Variants in IL6R observed in about 807,000 individuals in gnomAD.
IL6R encodes the protein interleukin-6 receptor subunit alpha.
IL6R carries 38 observed loss-of-function variants against 48.3 expected under a neutral mutation model. That is an observed-to-expected ratio of 0.79 (90% CI 0.61 to 1.03). IL6R has a LOEUF of 1.03. Ranked by LOEUF, IL6R falls within the 50% of genes least tolerant of loss-of-function variation. IL6R has a pLI of 0.00. For missense variants in IL6R, 534 were observed against 618.3 expected (o/e 0.86, Z 1.45); for synonymous variants, 264 against 256.2 (o/e 1.03, Z -0.29).
chr1:154,430,674 T>C (rs1689246200), intron 3 of IL6R, 68 bp downstream of exon 3: 1 of 1,584,712 alleles, frequency 6.3e-7, no homozygotes, highest in African/African-American at 1.3e-5. Flanking sequence ...AGAGAGGGGC[T>C]GGTTCAGGTG....
At chr1:154,419,293 A>G (rs1688520217) in intron 1 of IL6R, among the ~76,000 whole-genome samples, 1 of 152,154 alleles carries the variant, frequency 6.6e-6, no homozygotes. Flanking sequence ...TTATTATCAC[A>G]TCAAAGCCAG....
intron 1 of IL6R, among the ~76,000 whole-genome samples, chr1:154,407,478 T>A (rs1687793886): frequency 6.6e-6 from 1 of 151,878 alleles, no homozygotes; most frequent in Admixed American, 6.6e-5. Flanking sequence ...GGGGAGGAAG[T>A]GAAAGTCCTC....
intron 6 of IL6R, chr1:154,437,525 C>T (rs927688132): frequency 6.6e-5 from 29 of 441,596 alleles, no homozygotes; most frequent in Non-Finnish European, 9.2e-5. Context: ...GCAATCCTCC[C>T]GCCTCAGCCT....
intron 1 of IL6R, among the ~76,000 whole-genome samples, chr1:154,409,750 T>C (rs1323102835): frequency 6.6e-6 from 1 of 152,132 alleles, no homozygotes; most frequent in Non-Finnish European, 1.5e-5. Context: ...CCAGGCTTAG[T>C]TGAGTTTCAT....
At chr1:154,455,281 A>G (rs576185120) in intron 9 of IL6R, among the ~76,000 whole-genome samples, 1 of 151,926 alleles carries the variant, frequency 6.6e-6, no homozygotes, top group African/African-American at 2.4e-5. Context: ...CGTGTCTGTG[A>G]AGGGGGCGCA....
At chr1:154,414,430 G>C in intron 1 of IL6R, 1 of 1,382,172 alleles carries the variant, frequency 7.2e-7, no homozygotes, top group Middle Eastern at 1.9e-4. Context: ...TGGAGGGAAT[G>C]GTAGTGTCTT....
chr1:154,410,193 A>C (rs1161210744), intron 1 of IL6R, among the ~76,000 whole-genome samples: 1 of 152,074 alleles, frequency 6.6e-6, no homozygotes, highest in Admixed American at 6.5e-5. Flanking sequence ...CATAACTGCA[A>C]GTCTGCAGGT....
At chr1:154,447,494 C>T (rs1477032175) in intron 6 of IL6R, among the ~76,000 whole-genome samples, 1 of 69,018 alleles carries the variant, frequency 1.4e-5, no homozygotes, top group East Asian at 3.1e-4. Flanking sequence ...CACACACACA[C>T]ACACACACAT....
chr1:154,430,432 C>T (rs774153828), intron 2 of IL6R, 51 bp from the exon 3 acceptor site: 33 of 1,601,322 alleles, frequency 2.1e-5, no homozygotes, highest in Non-Finnish European at 2.3e-5. Flanking sequence ...GAGGTCAGTG[C>T]GCCCCAGGAT....
At chr1:154,448,244 C>A (rs373362040) in intron 7 of IL6R, 73 bp downstream of exon 7, 73 of 1,253,924 alleles carry the variant, frequency 5.8e-5, no homozygotes, top group Non-Finnish European at 8.4e-5. Flanking sequence ...GATGCCAGAC[C>A]GAATTTGGTT....
At chr1:154,418,398 G>A (rs1049820811) in intron 1 of IL6R, 48 of 984,544 alleles carry the variant, frequency 4.9e-5, no homozygotes, top group Non-Finnish European at 5.8e-5. Flanking sequence ...GCAGTGTACA[G>A]TCCATCGTGT....
At chr1:154,459,935 T>G (rs1253956976) in intron 9 of IL6R, among the ~76,000 whole-genome samples, 1 of 152,166 alleles carries the variant, frequency 6.6e-6, no homozygotes, top group Non-Finnish European at 1.5e-5. Context: ...TATTTTAAAA[T>G]CAGAGCTTTT....
At chr1:154,462,387 T>TC (rs1411732551) in intron 9 of IL6R, among the ~76,000 whole-genome samples, 2 of 151,874 alleles carry the variant, frequency 1.3e-5, no homozygotes, top group Non-Finnish European at 2.9e-5. Context: ...TTTTTTTTTT[T>TC]TTTGAGACGG....
chr1:154,423,506 G>A, intron 1 of IL6R, among the ~76,000 whole-genome samples: 1 of 151,508 alleles, frequency 6.6e-6, no homozygotes, highest in East Asian at 1.9e-4. Context: ...TTTGGGTCAG[G>A]AGGCAGAGGG....
At chr1:154,411,147 C>T (rs1687995745) in intron 1 of IL6R, among the ~76,000 whole-genome samples, 1 of 152,136 alleles carries the variant, frequency 6.6e-6, no homozygotes, top group Admixed American at 6.5e-5. Context: ...CAACCTCTGC[C>T]TCCCGGGTTC....
In IL6R at chr1:154,405,577, C is replaced by T; in HGVS notation, c.-53C>T. 1 of 1,141,484 alleles carries T rather than the reference C, an allele frequency of 8.8e-7. No individual in the cohort carries two copies. Among genetic ancestry groups the T allele is most frequent in the Non-Finnish European group, 1.2e-6 (1 of 861,124 alleles). The allele number at this position is 1,141,484 out of a possible 1,614,324, so 70.7% of individuals were successfully genotyped here. A position where few individuals can be genotyped will look rare whatever the true frequency, so the allele number is the denominator to read the frequency against. On this transcript the variant is annotated 5_prime_UTR_variant, in exon 1 of 10. Coordinates refer to ENST00000368485, the MANE Select transcript of IL6R (RefSeq NM_000565.4). The surrounding 1 kb of genome is among the most constrained non-coding windows in gnomAD (Gnocchi z 5.2). ...CCCTGCCACCCCTGCCGCCCGGTTC[C>T]CATTAGCCTGTCCGCCTCTGCGGGA...
intron 9 of IL6R, among the ~76,000 whole-genome samples, chr1:154,460,406 T>C (rs1044716943): frequency 1.6e-5 from 2 of 126,600 alleles, no homozygotes; most frequent in African/African-American, 5.4e-5. Context: ...CTCACCTTTC[T>C]TTGTTACCCA....
intron 6 of IL6R, among the ~76,000 whole-genome samples, chr1:154,440,213 G>A (rs1294983036): frequency 5.9e-5 from 9 of 152,026 alleles, no homozygotes. Context: ...GTTTATTCAT[G>A]TGGTATAACA....
At chr1:154,458,265 C>T (rs1026112933) in intron 9 of IL6R, among the ~76,000 whole-genome samples, 5 of 152,040 alleles carry the variant, frequency 3.3e-5, no homozygotes, top group South Asian at 2.1e-4. Flanking sequence ...CCACCGTGCC[C>T]GGCCTTCACT....
Sources: gnomAD v4.1 joint callset for allele counts (sites outside exome capture counted in the v4.1 genomes callset) on GRCh38, gnomAD v4.1.1 for gene constraint, Gnocchi (gnomAD v3.1) non-coding constraint, MANE v1.5 for transcripts, NCBI Gene and HGNC (gene_info 2026-07-23, HGNC 2026-07-21) for gene names.